Variants in NCOA3 observed in about 807,000 individuals in gnomAD.
NCOA3 encodes the protein nuclear receptor coactivator 3.
NCOA3 carries 51 observed loss-of-function variants against 158.8 expected under a neutral mutation model. The ratio of observed to expected loss-of-function variants is 0.32; its 90% CI spans 0.26 to 0.41. The LOEUF (loss-of-function observed/expected upper bound fraction) is 0.41, where lower values mean the gene tolerates loss of function less well. NCOA3 is among the 10% of genes least tolerant of loss of function. The probability of loss-of-function intolerance (pLI) is 1.00; values close to 1 mark genes in which losing one functional copy is unlikely to be tolerated. For synonymous variants in NCOA3, 537 were observed against 592.4 expected (o/e 0.91, Z 1.36); for missense variants, 1,510 against 1,746.6 (o/e 0.86, Z 2.41).
intron 9 of NCOA3, 71 bp downstream of exon 9, chr20:47,633,707 G>A: frequency 6.6e-7 from 1 of 1,508,500 alleles, no homozygotes; most frequent in South Asian, 1.3e-5. Context: ...ATCTTGCCCA[G>A]GCTGGACTCG....
At chr20:47,598,868 T>A (rs1449317003) in intron 2 of NCOA3, among the ~76,000 whole-genome samples, 1 of 152,216 alleles carries the variant, frequency 6.6e-6, no homozygotes, top group African/African-American at 2.4e-5. Context: ...AATGTTTCAG[T>A]CAATGAAGGA....
chr20:47,517,422 A>G (rs79217582), intron 1 of NCOA3, among the ~76,000 whole-genome samples: 2,341 of 142,418 alleles, frequency 0.016, 33 homozygotes, highest in Non-Finnish European at 0.023. Context: ...ATGCAATTAC[A>G]TTTTCTTCTT....
intron 1 of NCOA3, among the ~76,000 whole-genome samples, chr20:47,508,872 A>T (rs1250460997): frequency 6.6e-6 from 1 of 152,236 alleles, no homozygotes; most frequent in Non-Finnish European, 1.5e-5. Context: ...AGCATGTGCT[A>T]TAAGCTTTGG....
At chr20:47,616,821 TG>T (rs2086147309) in intron 2 of NCOA3, among the ~76,000 whole-genome samples, 2 of 152,204 alleles carry the variant, frequency 1.3e-5, no homozygotes, top group Admixed American at 1.3e-4. Context: ...CACAATTGGA[TG>T]TATGATGTAA....
intron 2 of NCOA3, among the ~76,000 whole-genome samples, chr20:47,586,662 C>T (rs1238734687): frequency 6.6e-6 from 1 of 152,134 alleles, no homozygotes; most frequent in African/African-American, 2.4e-5. Context: ...CTTTGGCCTC[C>T]TTTTTCCTGG....
At position 47,622,253 on chromosome 20, in the gene NCOA3, T is replaced by C; in HGVS notation, c.6T>C (p.Ser2=). ...GTTGCTGATGTATATTCAAGATGAGTGGATTAGGAGAAAACTTGGATCCAC... is the reference window on the plus strand; with the variant it reads ...GTTGCTGATGTATATTCAAGATGAGCGGATTAGGAGAAAACTTGGATCCAC... M[S]GLGENLDPLA... Residue 2 remains serine (S), a synonymous_variant, in exon 3 of 23, where the codon AGT becomes AGC. Coordinates refer to ENST00000371998, the MANE Select transcript of NCOA3 (RefSeq NM_181659.3). 6.2e-7 allele frequency: 1 copy of C among 1,600,068 alleles called. No individual in the cohort carries two copies. The highest frequency in any genetic ancestry group is 8.5e-7 in the Non-Finnish European group (1 of 1,172,518).
chr20:47,618,246 C>G (rs2086172076), intron 2 of NCOA3, among the ~76,000 whole-genome samples: 1 of 148,288 alleles, frequency 6.7e-6, no homozygotes, highest in South Asian at 2.1e-4. Flanking sequence ...AAAAGCAAAA[C>G]AAAACAAAAA....
At chr20:47,608,718 A>G (rs1054804207) in intron 2 of NCOA3, among the ~76,000 whole-genome samples, 1 of 152,108 alleles carries the variant, frequency 6.6e-6, no homozygotes, top group African/African-American at 2.4e-5. Flanking sequence ...TAACCCACAT[A>G]GCAGAAGTTA....
At chr20:47,568,321 A>G (rs1199607084) in intron 1 of NCOA3, among the ~76,000 whole-genome samples, 1 of 152,120 alleles carries the variant, frequency 6.6e-6, no homozygotes, top group African/African-American at 2.4e-5. Flanking sequence ...TCTTTGGAAT[A>G]GTTCACATGG....
At chr20:47,603,218 A>T (rs945572580) in intron 2 of NCOA3, among the ~76,000 whole-genome samples, 1 of 152,262 alleles carries the variant, frequency 6.6e-6, no homozygotes, top group Non-Finnish European at 1.5e-5. Context: ...CATCTCTTAA[A>T]TTCTCCTGTA....
chr20:47,644,850 A>G (rs2086663665), intron 17 of NCOA3, among the ~76,000 whole-genome samples: 1 of 152,052 alleles, frequency 6.6e-6, no homozygotes, highest in African/African-American at 2.4e-5. Flanking sequence ...GGCGCACGCC[A>G]CCACGCCCGG....
At chr20:47,526,765 G>C (rs2084459590) in intron 1 of NCOA3, among the ~76,000 whole-genome samples, 1 of 152,200 alleles carries the variant, frequency 6.6e-6, no homozygotes, top group South Asian at 2.1e-4. Context: ...GAGAGGGAGA[G>C]GGAGACCATG....
intron 1 of NCOA3, among the ~76,000 whole-genome samples, chr20:47,513,186 T>C (rs546430837): frequency 2.0e-5 from 3 of 151,366 alleles, no homozygotes; most frequent in African/African-American, 7.3e-5. Context: ...TTAAAAAAAA[T>C]AAAATAAACT....
chr20:47,610,771 A>C (rs1025525721), intron 2 of NCOA3, among the ~76,000 whole-genome samples: 1 of 152,196 alleles, frequency 6.6e-6, no homozygotes, highest in African/African-American at 2.4e-5. Context: ...TTTTCTTTGA[A>C]AAATCAACCC....
chr20:47,613,979 C>G (rs545488931), intron 2 of NCOA3, among the ~76,000 whole-genome samples: 18 of 152,100 alleles, frequency 1.2e-4, no homozygotes, highest in Non-Finnish European at 1.9e-4. Flanking sequence ...TCTTAACTTC[C>G]TTACCAGCAT....
At chr20:47,509,989 A>G (rs1028624829) in intron 1 of NCOA3, among the ~76,000 whole-genome samples, 5 of 152,230 alleles carry the variant, frequency 3.3e-5, no homozygotes, top group African/African-American at 1.2e-4. Flanking sequence ...AAGAAACTCC[A>G]CCAGTGAGAA....
intron 1 of NCOA3, among the ~76,000 whole-genome samples, chr20:47,549,434 C>G (rs1440069868): frequency 6.6e-6 from 1 of 151,646 alleles, no homozygotes; most frequent in African/African-American, 2.4e-5. Context: ...ATGACAGGTA[C>G]CTGCGGTCCC....
At chr20:47,642,117 T>TA in intron 16 of NCOA3, 96 bp from the exon 17 acceptor site, 1 of 888,572 alleles carries the variant, frequency 1.1e-6, no homozygotes, top group Non-Finnish European at 1.7e-6. Context: ...GCATTTGAGT[T>TA]ACTGTTCATT....
At chr20:47,591,788 T>C (rs2085646089) in intron 2 of NCOA3, among the ~76,000 whole-genome samples, 1 of 151,968 alleles carries the variant, frequency 6.6e-6, no homozygotes, top group Non-Finnish European at 1.5e-5. Flanking sequence ...GTTCTCAGTA[T>C]GTGTGGTCTT....
Sources: allele counts gnomAD v4.1 joint callset (sites outside exome capture counted in the v4.1 genomes callset), GRCh38; gene constraint gnomAD v4.1.1; transcripts MANE v1.5; gene names NCBI Gene and HGNC (gene_info 2026-07-23, HGNC 2026-07-21).